FRK: variants seen among roughly 807,000 people sequenced by gnomAD.
FRK encodes the protein fyn related Src family tyrosine kinase.
Under a neutral mutation model 56.4 loss-of-function variants are expected in FRK, and 51 were observed. The observed-to-expected ratio is 0.90, with a 90% CI of 0.72 to 1.14. FRK has a LOEUF of 1.14. FRK is among the 50% of genes most tolerant of loss of function. The pLI is 0.00. For synonymous variants in FRK, 245 were observed against 217.9 expected (o/e 1.12, Z -1.10); for missense variants, 570 against 601.4 (o/e 0.95, Z 0.55).
At position 115,941,657 on chromosome 6, in the gene FRK, A is replaced by T. The variant is rs998088892; in HGVS notation, c.*757T>A. 6.6e-6 allele frequency: 1 copy of T among 152,128 alleles called. No homozygotes were observed. The highest frequency in any genetic ancestry group is 1.5e-5 in the Non-Finnish European group (1 of 68,018). The allele number at this position is 152,128 out of a possible 1,614,324, so 9.4% of individuals were successfully genotyped here. On this transcript the variant is annotated 3_prime_UTR_variant, in exon 8 of 8. Transcript: ENST00000606080. ...TATTTCTCAGACTTTATGGGCTATT[A>T]GACATTTCTCACATTTCCATAGATA...
the FRK span, among the ~76,000 whole-genome samples, chr6:116,080,946 G>T: frequency 6.6e-6 from 1 of 152,188 alleles, no homozygotes; most frequent in African/African-American, 2.4e-5. Flanking sequence ...AATTTATAAA[G>T]GAAAGAGGTT....
At position 115,934,566 on chromosome 6, in the gene FRK, A is replaced by C. The variant is rs888385411; in HGVS notation, c.*7848T>G. The C allele has an allele frequency of 3.9e-5, 6 of 152,166 alleles. No individual in the cohort carries two copies. Among genetic ancestry groups the C allele is most frequent in the African/African-American group, 1.4e-4 (6 of 41,420 alleles). The allele number at this position is 152,166 out of a possible 1,614,324, so 9.4% of individuals were successfully genotyped here. On this transcript the variant is annotated 3_prime_UTR_variant, in exon 8 of 8. Coordinates refer to ENST00000606080, the MANE Select transcript of FRK (RefSeq NM_002031.3). ...AGGACATGGGTCTTCGTTCACATTGAACTGCTAATGATATTGTGCCTGGAG... is the reference window on the plus strand; with the variant it reads ...AGGACATGGGTCTTCGTTCACATTGCACTGCTAATGATATTGTGCCTGGAG...
intron 1 of FRK, among the ~76,000 whole-genome samples, chr6:116,024,374 C>A (rs1429512390): frequency 2.0e-5 from 3 of 151,580 alleles, no homozygotes; most frequent in Non-Finnish European, 2.9e-5. Flanking sequence ...ACTAACTCGT[C>A]ATCTAGCATT....
chr6:116,037,754 A>T (rs941063832), intron 1 of FRK, among the ~76,000 whole-genome samples: 1 of 151,904 alleles, frequency 6.6e-6, no homozygotes, highest in Non-Finnish European at 1.5e-5. Flanking sequence ...TTCTTTTCTA[A>T]TGTTTATTAA....
chr6:115,969,274 T>C (rs2114605841), intron 2 of FRK, among the ~76,000 whole-genome samples: 1 of 152,276 alleles, frequency 6.6e-6, no homozygotes, highest in African/African-American at 2.4e-5. Context: ...TGTACCTCAA[T>C]GCAGACTGGT....
chr6:115,958,708 A>AAAG (rs1562257454), intron 4 of FRK, among the ~76,000 whole-genome samples: 1 of 12,360 alleles, frequency 8.1e-5, no homozygotes, highest in African/African-American at 3.3e-4. Context: ...AAGAAAGAAG[A>AAAG]AAGAAAGAAA....
At chr6:116,026,861 C>T (rs776463043) in intron 1 of FRK, among the ~76,000 whole-genome samples, 2 of 152,010 alleles carry the variant, frequency 1.3e-5, no homozygotes, top group South Asian at 2.1e-4. Flanking sequence ...AATACCAAAA[C>T]GGGGCAAACT....
chr6:116,022,322 G>A (rs1284200930), intron 1 of FRK, among the ~76,000 whole-genome samples: 1 of 152,036 alleles, frequency 6.6e-6, no homozygotes, highest in Non-Finnish European at 1.5e-5. Flanking sequence ...TTTGTTTTAT[G>A]ACACAAAGTT....
At chr6:115,958,706 A>AG (rs1491263806) in intron 4 of FRK, among the ~76,000 whole-genome samples, 4 of 10,332 alleles carry the variant, frequency 3.9e-4, no homozygotes, top group African/African-American at 1.3e-3. Context: ...GAAAGAAAGA[A>AG]GAAAGAAAGA....
chr6:115,942,294 T>C lies in FRK; in HGVS notation c.*120A>G. The C allele has an allele frequency of 1.2e-6, 1 of 818,320 alleles. No homozygotes were observed. Among genetic ancestry groups the C allele is most frequent in the Non-Finnish European group, 1.9e-6 (1 of 513,076 alleles). 50.7% of individuals were successfully genotyped at this position (818,320 alleles called of 1,614,324 possible). A position where few individuals can be genotyped will look rare whatever the true frequency, so the allele number is the denominator to read the frequency against. The stretch of plus-strand genomic sequence containing the variant: ...TTTTCATAATACATGGCCAACTTTA[T>C]CCTATCACTTGAATATGTCAGGATA... On this transcript the variant is annotated 3_prime_UTR_variant, in exon 8 of 8. Coordinates refer to ENST00000606080, the MANE Select transcript of FRK (RefSeq NM_002031.3).
In FRK at chr6:115,942,296, C is replaced by CAT; in HGVS notation, c.*117_*118insAT. On this transcript the variant is annotated 3_prime_UTR_variant, in exon 8 of 8. Transcript: ENST00000606080. ...TTCATAATACATGGCCAACTTTATC[C>CAT]TATCACTTGAATATGTCAGGATAAA... is the stretch of plus-strand genomic sequence containing the variant. 3 of 830,970 alleles carry CAT rather than the reference C, an allele frequency of 3.6e-6. No homozygotes were observed. Among genetic ancestry groups the CAT allele is most frequent in the Non-Finnish European group, 5.7e-6 (3 of 523,576 alleles). 51.5% of individuals were successfully genotyped at this position (830,970 alleles called of 1,614,324 possible).
rs1562257394 is a variant in FRK, at chr6:115,958,703, A to AGAAAGAAAGAAG, written c.800-2094_800-2093insCTTCTTTCTTTC. On this transcript the variant is annotated intron_variant, in intron 4 of 7. Coordinates refer to ENST00000606080, the MANE Select transcript of FRK (RefSeq NM_002031.3). ...AAGAAAGAAAGAAAGAAAGAAAGAA[A>AGAAAGAAAGAAG]GAAGAAAGAAAGAAAGAAAGAAAGA... 4.4e-3 allele frequency among the ~76,000 whole-genome samples: 21 copies of AGAAAGAAAGAAG among 4,738 alleles called. 1 individual carries two copies. Among genetic ancestry groups the AGAAAGAAAGAAG allele is most frequent in the African/African-American group, 0.012 (19 of 1,572 alleles). The allele number at this position is 4,738 out of a possible 152,430, so 3.1% of individuals were successfully genotyped here. A position where few individuals can be genotyped will look rare whatever the true frequency, so the allele number is the denominator to read the frequency against.
chr6:116,087,195 T>C, the FRK span, among the ~76,000 whole-genome samples: 1 of 152,208 alleles, frequency 6.6e-6, no homozygotes, highest in South Asian at 2.1e-4. Context: ...CTAGGCAAGG[T>C]ACTTACTTTG....
At chr6:115,958,644 A>AAGG (rs1491499100) in intron 4 of FRK, among the ~76,000 whole-genome samples, 1 of 3,818 alleles carries the variant, frequency 2.6e-4, no homozygotes, top group Non-Finnish European at 5.4e-4. Context: ...GGAAAGAAAG[A>AAGG]AAAGAAAGAA....
the FRK span, among the ~76,000 whole-genome samples, chr6:116,092,145 T>G: frequency 1.3e-5 from 2 of 152,152 alleles, no homozygotes; most frequent in African/African-American, 4.8e-5. Flanking sequence ...TTTAGGCACC[T>G]GGGCTTACCA....
At chr6:115,959,387 G>GGGCTTCC (rs1418476991) in intron 4 of FRK, among the ~76,000 whole-genome samples, 1 of 152,054 alleles carries the variant, frequency 6.6e-6, no homozygotes, top group East Asian at 1.9e-4. Flanking sequence ...AGAGAACAAC[G>GGGCTTCC]TTAGGAAGGC....
chr6:116,059,948 T>C lies in FRK; in HGVS notation c.344+20A>G. On this transcript the variant is annotated intron_variant, in intron 1 of 7. Coordinates refer to ENST00000606080, the MANE Select transcript of FRK (RefSeq NM_002031.3). ...GCCCTCAGAGAGTTCAGAAATTAAG[T>C]ATAAGTTTGTACTACTCACGGCTCT... 1.3e-6 allele frequency: 2 copies of C among 1,584,098 alleles called. No individual in the cohort carries two copies. Among genetic ancestry groups the C allele is most frequent in the South Asian group, 2.2e-5 (2 of 89,298 alleles).
rs1274646113 is a variant in FRK, at chr6:115,938,580, C to A, written c.*3834G>T. 9 of 152,016 alleles carry A rather than the reference C, an allele frequency of 5.9e-5. No homozygotes were observed. In the East Asian group the frequency reaches 1.7e-3, roughly 29 times the overall value. The allele number at this position is 152,016 out of a possible 1,614,324, so 9.4% of individuals were successfully genotyped here. ...TCAACAAAATAGAATGCTAGCCAGA[C>A]TAATAAAGAAGAAAAGAGAGCAGAA... On this transcript the variant is annotated 3_prime_UTR_variant, in exon 8 of 8. Transcript: ENST00000606080.
the FRK span, among the ~76,000 whole-genome samples, chr6:116,088,625 C>G: frequency 6.6e-6 from 1 of 152,192 alleles, no homozygotes; most frequent in African/African-American, 2.4e-5. Context: ...ATCCCTGGTT[C>G]AAGGTTTCTT....
Sources: allele counts gnomAD v4.1 joint callset (sites outside exome capture counted in the v4.1 genomes callset), GRCh38; gene constraint gnomAD v4.1.1; transcripts MANE v1.5; gene names NCBI Gene and HGNC (gene_info 2026-07-23, HGNC 2026-07-21).